The following EIF4ENIF1 variants were observed in gnomAD, a reference collection of about 807,000 sequenced individuals.
EIF4ENIF1 encodes the protein eukaryotic translation initiation factor 4E transporter.
A neutral mutation model predicts 110.5 loss-of-function variants in EIF4ENIF1; 23 were observed. The observed-to-expected ratio is 0.21, with a 90% confidence interval of 0.15 to 0.29. The LOEUF is 0.29. Among genes scored for constraint, EIF4ENIF1 ranks in the 10% least tolerant of loss-of-function variants. The pLI is 1.00. For missense variants in EIF4ENIF1, 1,031 were observed against 1,221.1 expected (o/e 0.84, Z 2.32); for synonymous variants, 440 against 437.0 (o/e 1.01, Z -0.09).
intron 7 of EIF4ENIF1, among the ~76,000 whole-genome samples, chr22:31,458,227 C>CAAAAAA (rs199867405): frequency 2.9e-5 from 3 of 103,360 alleles, no homozygotes; most frequent in Non-Finnish European, 2.1e-5. Flanking sequence ...GATTCCAACT[C>CAAAAAA]AAAAAAAAAA....
rs1454522390 is a variant in EIF4ENIF1, at chr22:31,489,824, C to G, written c.-158G>C. The G allele has an allele frequency of 6.6e-6, 1 of 151,972 alleles. No individual in the cohort carries two copies. The highest frequency in any genetic ancestry group is 2.4e-5 in the African/African-American group (1 of 41,330). 9.4% of individuals were successfully genotyped at this position (151,972 alleles called of 1,614,324 possible). On this transcript the variant is annotated 5_prime_UTR_variant, in exon 1 of 19. Transcript: ENST00000330125. Reference sequence around the variant, plus strand: ...CCACCCCGACCGGCTTGGGCTGTCTCTCTTCAGCCGCCGTAACTGCAGCCC... The same window carrying G: ...CCACCCCGACCGGCTTGGGCTGTCTGTCTTCAGCCGCCGTAACTGCAGCCC...
chr22:31,460,149 C>G (rs1165263332), intron 6 of EIF4ENIF1, among the ~76,000 whole-genome samples: 1 of 152,122 alleles, frequency 6.6e-6, no homozygotes, highest in African/African-American at 2.4e-5. Context: ...CTTACATTAT[C>G]CTAGGGAACA....
intron 2 of EIF4ENIF1, among the ~76,000 whole-genome samples, chr22:31,485,361 A>AT (rs1491397677): frequency 1.3e-5 from 2 of 152,226 alleles, no homozygotes; most frequent in Non-Finnish European, 2.9e-5. Flanking sequence ...GCAAAGAAAC[A>AT]TAAGTCCTAC....
chr22:31,452,585 A>G (rs1218406018), intron 10 of EIF4ENIF1, among the ~76,000 whole-genome samples: 1 of 152,176 alleles, frequency 6.6e-6, no homozygotes, highest in Non-Finnish European at 1.5e-5. Context: ...CCCCTTCCAT[A>G]TTTTTAGTTG....
chr22:31,476,061 A>C (rs2051560690), intron 2 of EIF4ENIF1, among the ~76,000 whole-genome samples: 1 of 152,170 alleles, frequency 6.6e-6, no homozygotes, highest in African/African-American at 2.4e-5. Context: ...TTTCTAGTAG[A>C]AACAGGAAGG....
chr22:31,443,640 C>A (rs886772005), intron 15 of EIF4ENIF1, among the ~76,000 whole-genome samples: 1 of 152,172 alleles, frequency 6.6e-6, no homozygotes, highest in Non-Finnish European at 1.5e-5. Flanking sequence ...TGGCAGGAGA[C>A]AGGGCTTGAC....
intron 4 of EIF4ENIF1, among the ~76,000 whole-genome samples, chr22:31,465,619 C>T (rs1185941661): frequency 1.3e-5 from 2 of 152,192 alleles, no homozygotes; most frequent in African/African-American, 4.8e-5. Flanking sequence ...TTGGCAATTT[C>T]CCAGAAGGTT....
In EIF4ENIF1 at chr22:31,444,603, G is replaced by A. The variant is rs776144888; in HGVS notation, c.2073+3C>T. On this transcript the variant is annotated splice_donor_region_variant and intron_variant, in intron 15 of 18. Coordinates refer to ENST00000330125, the MANE Select transcript of EIF4ENIF1 (RefSeq NM_019843.4). ...TCCTTCACAGTTACTAAAGGTCACT[G>A]ACCATGCTTGTGATGGAGGCAGCAG... 6.2e-6 allele frequency: 10 copies of A among 1,613,724 alleles called. No homozygotes were observed. The highest frequency in any genetic ancestry group is 8.5e-6 in the Non-Finnish European group (10 of 1,179,806).
At chr22:31,491,654 C>G (rs2052285123), upstream of EIF4ENIF1, among the ~76,000 whole-genome samples, 1 of 152,188 alleles carries the variant, frequency 6.6e-6, no homozygotes, top group African/African-American at 2.4e-5. Context: ...ACTGCTCCAG[C>G]CTCAGCCTCC....
At chr22:31,453,956 A>G (rs2050746809) in intron 10 of EIF4ENIF1, among the ~76,000 whole-genome samples, 188 bp downstream of exon 10, 1 of 152,210 alleles carries the variant, frequency 6.6e-6, no homozygotes, top group African/African-American at 2.4e-5. Flanking sequence ...AATTAACCAC[A>G]AGCCTGCTTT....
At chr22:31,452,993 G>C (rs151004601) in intron 10 of EIF4ENIF1, among the ~76,000 whole-genome samples, 1 of 152,224 alleles carries the variant, frequency 6.6e-6, no homozygotes, top group Admixed American at 6.5e-5. Flanking sequence ...ATTGCTACTT[G>C]CATCTTGGCT....
At chr22:31,481,659 C>T (rs1485635102) in intron 2 of EIF4ENIF1, among the ~76,000 whole-genome samples, 1 of 152,164 alleles carries the variant, frequency 6.6e-6, no homozygotes, top group Non-Finnish European at 1.5e-5. Context: ...GGCTTCAAGT[C>T]TTCTGATTAT....
At chr22:31,481,518 C>T (rs149398068) in intron 2 of EIF4ENIF1, among the ~76,000 whole-genome samples, 2,088 of 152,210 alleles carry the variant, frequency 0.014, 58 homozygotes, top group Admixed American at 0.061. Context: ...ACAGAAATGC[C>T]ACCTGAGTTA....
intron 14 of EIF4ENIF1, among the ~76,000 whole-genome samples, chr22:31,445,991 G>C (rs1323116745): frequency 1.4e-5 from 2 of 138,770 alleles, no homozygotes; most frequent in African/African-American, 5.5e-5. Flanking sequence ...TTGATATGAA[G>C]ATCATATAAA....
chr22:31,466,906 C>CT (rs931602536), intron 4 of EIF4ENIF1, among the ~76,000 whole-genome samples: 1 of 152,128 alleles, frequency 6.6e-6, no homozygotes, highest in Non-Finnish European at 1.5e-5. Context: ...GAAAAATCTG[C>CT]TTTAATTCTG....
At chr22:31,479,707 A>G (rs2051739064) in intron 2 of EIF4ENIF1, among the ~76,000 whole-genome samples, 1 of 122,410 alleles carries the variant, frequency 8.2e-6, no homozygotes, top group Admixed American at 8.3e-5. Context: ...TTTTTTTTTT[A>G]ATCTATCCTT....
intron 18 of EIF4ENIF1, among the ~76,000 whole-genome samples, chr22:31,440,361 C>T (rs777975842): frequency 2.0e-5 from 3 of 152,158 alleles, no homozygotes; most frequent in Non-Finnish European, 4.4e-5. Flanking sequence ...CTTCTCATGG[C>T]TAAGTAACCA....
intron 2 of EIF4ENIF1, among the ~76,000 whole-genome samples, chr22:31,481,594 C>T (rs751696642): frequency 6.6e-6 from 1 of 152,156 alleles, no homozygotes; most frequent in Non-Finnish European, 1.5e-5. Context: ...AAAGGGACCA[C>T]CTGATTCCTG....
chr22:31,449,405 A>G lies in EIF4ENIF1; in HGVS notation c.1711T>C (p.Phe571Leu), dbSNP rs1466961951. ...RAPSPPLSQV[F>L]QTRAASADYL... ...TCAGCTGAGGCTGCTCGAGTTTGAA[A>G]CACCTGTGACAAGGGAGGAGAGGGT... The change falls in exon 12 of 19, where the codon TTT becomes CTT. Residue 571 changes from phenylalanine (F) to leucine (L), a missense_variant. Around this residue, in one of 3 missense-constraint regions of EIF4ENIF1, gnomAD observed 704 missense variants for 879.7 expected, o/e 0.80. Coordinates refer to ENST00000330125, the MANE Select transcript of EIF4ENIF1 (RefSeq NM_019843.4). The G allele has an allele frequency of 1.9e-6, 3 of 1,614,184 alleles. No individual in the cohort carries two copies. The South Asian group carries it at 3.3e-5, about 18-fold the overall frequency.
Sources: gnomAD v4.1 joint callset for allele counts (sites outside exome capture counted in the v4.1 genomes callset) on GRCh38, gnomAD v4.1.1 for gene constraint, gnomAD v4.1.1 regional missense constraint, MANE v1.5 for transcripts, NCBI Gene and HGNC (gene_info 2026-07-23, HGNC 2026-07-21) for gene names.